CEP83: variants seen among roughly 807,000 people sequenced by gnomAD.
CEP83 encodes the protein centrosomal protein 83.
In CEP83, 70 loss-of-function variants were observed where a neutral mutation model predicts 101.9. The observed-to-expected ratio is 0.69, with a 90% CI of 0.57 to 0.84. The LOEUF (loss-of-function observed/expected upper bound fraction) is 0.84. Ranked by LOEUF, CEP83 falls within the 40% of genes least tolerant of loss-of-function variation. CEP83 has a pLI of 0.00. For synonymous variants in CEP83, 264 were observed against 267.9 expected (o/e 0.99, Z 0.14); for missense variants, 715 against 787.2 (o/e 0.91, Z 1.10).
chr12:94,313,582 TA>T (rs1196113761), intron 14 of CEP83, among the ~76,000 whole-genome samples: 2 of 142,382 alleles, frequency 1.4e-5, no homozygotes, highest in African/African-American at 5.2e-5. Context: ...CTCACGCCTA[TA>T]ATCCCAGCAC....
chr12:94,322,832 C>T (rs919210558), intron 14 of CEP83, among the ~76,000 whole-genome samples: 2 of 152,188 alleles, frequency 1.3e-5, no homozygotes, highest in Non-Finnish European at 2.9e-5. Context: ...CATCCCTCCC[C>T]CTGGGAACTC....
chr12:94,408,452 C>T (rs910732751), intron 4 of CEP83, among the ~76,000 whole-genome samples: 1 of 152,092 alleles, frequency 6.6e-6, no homozygotes, highest in South Asian at 2.1e-4. Context: ...GTATATTAAT[C>T]ATTGGTAAAG....
At chr12:94,313,242 CAAAA>C (rs1970140138) in intron 14 of CEP83, 1 of 280,634 alleles carries the variant, frequency 3.6e-6, no homozygotes, top group Non-Finnish European at 6.5e-6. Context: ...GAATGCCAAA[CAAAA>C]AAACTGTTAT....
chr12:94,354,749 C>T (rs1274178189), intron 11 of CEP83, among the ~76,000 whole-genome samples: 2 of 152,186 alleles, frequency 1.3e-5, no homozygotes, highest in Non-Finnish European at 2.9e-5. Flanking sequence ...TGGTGGCTCA[C>T]ACCTGTAATC....
intron 6 of CEP83, among the ~76,000 whole-genome samples, chr12:94,394,733 A>T (rs2062775186): frequency 6.6e-6 from 1 of 152,206 alleles, no homozygotes; most frequent in African/African-American, 2.4e-5. Context: ...TCATCTGACA[A>T]AGGGCTAATA....
At chr12:94,363,170 C>T (rs189909617) in intron 11 of CEP83, among the ~76,000 whole-genome samples, 5 of 152,228 alleles carry the variant, frequency 3.3e-5, no homozygotes, top group East Asian at 3.9e-4. Flanking sequence ...CTAGAAGAGA[C>T]GATTTTGAAT....
chr12:94,409,989 C>T (rs966247281), intron 4 of CEP83, among the ~76,000 whole-genome samples: 1 of 152,108 alleles, frequency 6.6e-6, no homozygotes, highest in African/African-American at 2.4e-5. Flanking sequence ...GGAGTTAGGA[C>T]TTCAACATAT....
the CEP83 span, among the ~76,000 whole-genome samples, chr12:94,285,750 C>T: frequency 2.0e-5 from 3 of 152,220 alleles, no homozygotes; most frequent in East Asian, 3.9e-4. Context: ...GTTCAGGGTT[C>T]TAGACCTGCA....
intron 6 of CEP83, among the ~76,000 whole-genome samples, chr12:94,399,199 TA>T (rs1457258458): frequency 1.3e-5 from 2 of 152,184 alleles, no homozygotes; most frequent in Non-Finnish European, 2.9e-5. Flanking sequence ...AAATCCTTAA[TA>T]AATCTTGCTG....
intron 11 of CEP83, among the ~76,000 whole-genome samples, chr12:94,362,274 G>T (rs1367801541): frequency 6.6e-6 from 1 of 152,040 alleles, no homozygotes; most frequent in Non-Finnish European, 1.5e-5. Context: ...TGTTAGTGGG[G>T]ATGTAAATTA....
chr12:94,315,430 T>C (rs1337111525), intron 14 of CEP83, among the ~76,000 whole-genome samples: 3 of 152,162 alleles, frequency 2.0e-5, no homozygotes, highest in African/African-American at 4.8e-5. Context: ...AACTTTTGAG[T>C]AACCTGATTC....
chr12:94,280,535 G>C, the CEP83 span, among the ~76,000 whole-genome samples: 1 of 152,200 alleles, frequency 6.6e-6, no homozygotes, highest in African/African-American at 2.4e-5. Context: ...CAAATGTGGG[G>C]CAACTTGGTG....
intron 4 of CEP83, among the ~76,000 whole-genome samples, chr12:94,407,575 G>A (rs746154758): frequency 5.9e-5 from 9 of 152,170 alleles, no homozygotes; most frequent in Non-Finnish European, 1.3e-4. Flanking sequence ...GCATACAACA[G>A]TTTAGGGGTC....
the CEP83 span, among the ~76,000 whole-genome samples, chr12:94,286,615 GCAAAAAAAAA>G: frequency 8.5e-5 from 1 of 11,704 alleles, no homozygotes. Context: ...GTGCTTAAAA[GCAAAAAAAAA>G]AAAAAAAAAA....
At chr12:94,338,439 C>T (rs530815072) in intron 11 of CEP83, among the ~76,000 whole-genome samples, 8 of 152,072 alleles carry the variant, frequency 5.3e-5, no homozygotes, top group Non-Finnish European at 1.0e-4. Context: ...GAAGCACAAA[C>T]GGGGCTTACA....
intron 11 of CEP83, among the ~76,000 whole-genome samples, chr12:94,366,650 T>C (rs1007527186): frequency 1.2e-4 from 18 of 152,194 alleles, no homozygotes; most frequent in African/African-American, 4.1e-4. Flanking sequence ...TAGATGTAAA[T>C]GTGTAATTTT....
At chr12:94,323,089 T>C (rs2058816536) in intron 14 of CEP83, among the ~76,000 whole-genome samples, 1 of 152,140 alleles carries the variant, frequency 6.6e-6, no homozygotes, top group Non-Finnish European at 1.5e-5. Context: ...CTGCTACCAG[T>C]GGCTGGCTAG....
chr12:94,362,625 A>G (rs1260850136), intron 11 of CEP83, among the ~76,000 whole-genome samples: 1 of 152,226 alleles, frequency 6.6e-6, no homozygotes, highest in Non-Finnish European at 1.5e-5. Flanking sequence ...TGACAGAGTG[A>G]GACCCTGTCT....
intron 11 of CEP83, among the ~76,000 whole-genome samples, chr12:94,356,553 T>C (rs757632749): frequency 7.9e-5 from 12 of 152,244 alleles, no homozygotes; most frequent in Non-Finnish European, 1.6e-4. Context: ...GAGGGTGATT[T>C]AGAGGCTTGG....
Sources: gnomAD v4.1 joint callset for allele counts (sites outside exome capture counted in the v4.1 genomes callset) on GRCh38, gnomAD v4.1.1 for gene constraint, MANE v1.5 for transcripts, NCBI Gene and HGNC (gene_info 2026-07-23, HGNC 2026-07-21) for gene names.